The following DCAKD variants were observed in gnomAD, a reference collection of about 807,000 sequenced individuals.
DCAKD encodes dephospho-CoA kinase domain containing.
In DCAKD, 15 loss-of-function variants were observed where a neutral mutation model predicts 18.7. The observed-to-expected ratio is 0.80, with a 90% CI of 0.54 to 1.24. DCAKD has a LOEUF of 1.24. Among genes scored for constraint, DCAKD ranks in the 50% most tolerant of loss-of-function variants. The pLI, the probability that DCAKD is intolerant of heterozygous loss-of-function variation, is 0.00. For synonymous variants in DCAKD, 130 were observed against 133.0 expected, an observed-to-expected ratio of 0.98 and a Z score of 0.16; for missense variants, 301 against 322.0, an observed-to-expected ratio of 0.93 and a Z score of 0.50.
At chr17:45,043,807 ACCTCCCTCCTC>A (rs980461755) in intron 1 of DCAKD, among the ~76,000 whole-genome samples, 56 of 151,312 alleles carry the variant, frequency 3.7e-4, no homozygotes, top group African/African-American at 1.1e-3. Flanking sequence ...CCTAAACAGT[ACCTCCCTCCTC>A]CCTCCTTCCA....
chr17:45,046,016 G>A (rs58146706), intron 1 of DCAKD, among the ~76,000 whole-genome samples: 2 of 151,822 alleles, frequency 1.3e-5, no homozygotes, highest in Non-Finnish European at 2.9e-5. Context: ...TAGTAGAGAC[G>A]GGATTTCACC....
intron 1 of DCAKD, among the ~76,000 whole-genome samples, chr17:45,039,237 G>A (rs1282054279): frequency 6.6e-6 from 1 of 152,158 alleles, no homozygotes; most frequent in Non-Finnish European, 1.5e-5. Context: ...AGACCTGCCA[G>A]CAGCTCCCTG....
At chr17:45,041,678 T>C (rs962125051) in intron 1 of DCAKD, among the ~76,000 whole-genome samples, 1 of 152,084 alleles carries the variant, frequency 6.6e-6, no homozygotes, top group Non-Finnish European at 1.5e-5. Flanking sequence ...ACCTCAGGGC[T>C]AACTACTCTT....
intron 3 of DCAKD, among the ~76,000 whole-genome samples, chr17:45,033,109 G>A (rs2053207233): frequency 6.6e-6 from 1 of 152,202 alleles, no homozygotes; most frequent in South Asian, 2.1e-4. Flanking sequence ...ACTTTGGGAG[G>A]ACAAGGTGGG....
chr17:45,033,800 A>C, intron 3 of DCAKD: 1 of 1,089,496 alleles, frequency 9.2e-7, no homozygotes, highest in Non-Finnish European at 1.2e-6. Context: ...CACAAATGAA[A>C]AAATGAGCTG....
intron 3 of DCAKD, among the ~76,000 whole-genome samples, chr17:45,033,297 C>A (rs1453885640): frequency 6.6e-6 from 1 of 152,208 alleles, no homozygotes; most frequent in East Asian, 1.9e-4. Context: ...TACTCCCCTT[C>A]CCCTACCCAC....
At chr17:45,026,908 A>G (rs1489799009) in intron 4 of DCAKD, 19 of 811,256 alleles carry the variant, frequency 2.3e-5, no homozygotes, top group Non-Finnish European at 2.8e-5. Flanking sequence ...CAGACCACAG[A>G]GCCTCCTGGA....
chr17:45,058,690 G>A (rs1449290127), intron 1 of DCAKD, among the ~76,000 whole-genome samples: 4 of 152,010 alleles, frequency 2.6e-5, no homozygotes, highest in Non-Finnish European at 5.9e-5. Context: ...CCAAAGTGCT[G>A]GGATTACTGG....
At chr17:45,038,784 A>G (rs2053363119) in intron 1 of DCAKD, among the ~76,000 whole-genome samples, 1 of 152,034 alleles carries the variant, frequency 6.6e-6, no homozygotes, top group South Asian at 2.1e-4. Flanking sequence ...CAGGAAGGCC[A>G]AGCGGACAAA....
rs902435743 is a variant in DCAKD at position 45,038,803 on chromosome 17, C to T, written c.-114-3804G>A. Among the ~76,000 whole-genome samples, 10 of 152,236 alleles carry T rather than the reference C, an allele frequency of 6.6e-5. No individual in the cohort carries two copies. In the East Asian group the frequency reaches 1.5e-3, roughly 24 times the overall value. On this transcript the variant is annotated intron_variant, in intron 1 of 4. Transcript: ENST00000651974. ...AAGGCCAAGCGGACAAAGGAGCACA[C>T]GCCCAGGGAGGCTCCGGGTCCCCAA... is the stretch of plus-strand genomic sequence containing the variant.
At chr17:45,049,713 C>CTTTTTT (rs57106886) in intron 1 of DCAKD, among the ~76,000 whole-genome samples, 63 of 111,882 alleles carry the variant, frequency 5.6e-4, no homozygotes, top group East Asian at 1.3e-3. Flanking sequence ...TTTTCTTTTC[C>CTTTTTT]TTTTTTTTTT....
At position 45,030,095 on chromosome 17, in the gene DCAKD, T is replaced by C; in HGVS notation, c.401A>G (p.Tyr134Cys). ...CCAGGGCATGCTACACACTCACCAG[T>C]ATACTACCACGGTGTGCTTCATGTA... ...LKYMKHTVVVYCDRDTQLARL... is the reference protein window; with the variant it reads ...LKYMKHTVVVCCDRDTQLARL... Residue 134 changes from tyrosine (Y) to cysteine (C), a missense_variant, in exon 4 of 5, where the codon TAC becomes TGC. Tyr to Cys is a radical substitution (Grantham distance 194). Transcript: ENST00000651974. 1 of 1,613,594 alleles carries C rather than the reference T, an allele frequency of 6.2e-7. No homozygotes were observed. The highest frequency in any genetic ancestry group is 1.3e-5 in the African/African-American group (1 of 75,032).
At chr17:45,059,286 T>A (rs996008014) in intron 1 of DCAKD, among the ~76,000 whole-genome samples, 1 of 152,268 alleles carries the variant, frequency 6.6e-6, no homozygotes, top group East Asian at 1.9e-4. Flanking sequence ...TATATTTAGT[T>A]CTGTGTTTTA....
upstream of DCAKD, among the ~76,000 whole-genome samples, chr17:45,056,151 G>A (rs1043410950): frequency 3.5e-4 from 38 of 109,286 alleles, no homozygotes; most frequent in South Asian, 1.1e-3. Context: ...GCAAAGCTCC[G>A]TCTCAAAAAA....
At chr17:45,049,713 C>CTTTTTTTTTTTT (rs57106886) in intron 1 of DCAKD, among the ~76,000 whole-genome samples, 4 of 111,872 alleles carry the variant, frequency 3.6e-5, no homozygotes, top group Non-Finnish European at 7.0e-5. Flanking sequence ...TTTTCTTTTC[C>CTTTTTTTTTTTT]TTTTTTTTTT....
chr17:45,044,649 G>A (rs111897071), intron 1 of DCAKD, among the ~76,000 whole-genome samples: 1 of 151,850 alleles, frequency 6.6e-6, no homozygotes, highest in Non-Finnish European at 1.5e-5. Context: ...CCGAGATTGT[G>A]CCATTGCACT....
upstream of DCAKD, among the ~76,000 whole-genome samples, chr17:45,054,430 T>C (rs947970143): frequency 6.6e-6 from 1 of 152,068 alleles, no homozygotes; most frequent in Non-Finnish European, 1.5e-5. Flanking sequence ...ACATTTTTAG[T>C]AGAGATGGGG....
chr17:45,033,086 C>T (rs2053206776), intron 3 of DCAKD, among the ~76,000 whole-genome samples: 1 of 152,032 alleles, frequency 6.6e-6, no homozygotes, highest in Non-Finnish European at 1.5e-5. Context: ...TGGCTCATGC[C>T]TGTAATCCCA....
At chr17:45,040,312 G>A (rs148798765) in intron 1 of DCAKD, among the ~76,000 whole-genome samples, 4,133 of 151,616 alleles carry the variant, frequency 0.027, 85 homozygotes, top group Non-Finnish European at 0.045. Flanking sequence ...GCTTGAACCC[G>A]GGAGGCGGAG....
Sources: gnomAD v4.1 joint callset for allele counts (sites outside exome capture counted in the v4.1 genomes callset) on GRCh38, gnomAD v4.1.1 for gene constraint, MANE v1.5 for transcripts, NCBI Gene and HGNC (gene_info 2026-07-23, HGNC 2026-07-21) for gene names.